The following IMPACT variants were observed in gnomAD, a reference collection of about 807,000 sequenced individuals.
IMPACT encodes the protein impact RWD domain protein.
IMPACT carries 35 observed loss-of-function variants against 47.5 expected under a neutral mutation model. The observed-to-expected ratio is 0.74, with a 90% confidence interval of 0.56 to 0.98. IMPACT has a LOEUF of 0.98. Ranked by LOEUF, IMPACT falls within the 50% of genes least tolerant of loss-of-function variation. The probability of loss-of-function intolerance (pLI) is 0.00; values close to 1 mark genes in which losing one functional copy is unlikely to be tolerated. For missense variants in IMPACT, 373 were observed against 394.8 expected, an observed-to-expected ratio of 0.94 and a Z score of 0.47; for synonymous variants, 118 against 125.6, an observed-to-expected ratio of 0.94 and a Z score of 0.40.
chr18:24,426,701 C>A lies in IMPACT; in HGVS notation c.-56C>A, dbSNP rs970485272. Reference sequence around the variant, plus strand: ...CTCTCGGCTCGCAGCCGCAGCGCCCCGCCCCCGCGCTCCGGACCTGGCAGG... The same window carrying A: ...CTCTCGGCTCGCAGCCGCAGCGCCCAGCCCCCGCGCTCCGGACCTGGCAGG... On this transcript the variant is annotated 5_prime_UTR_variant, in exon 1 of 11. Transcript: ENST00000284202. The A allele has an allele frequency of 3.3e-6, 4 of 1,211,648 alleles. No homozygotes were observed. The highest frequency in any genetic ancestry group is 4.1e-6 in the Non-Finnish European group (4 of 966,672). The allele number at this position is 1,211,648 out of a possible 1,614,324, so 75.1% of individuals were successfully genotyped here.
intron 1 of IMPACT, chr18:24,427,275 G>A: frequency 6.3e-6 from 1 of 158,330 alleles, no homozygotes; most frequent in Non-Finnish European, 1.4e-5. Context: ...TTTCCTACAG[G>A]GCTGTGAGTA....
In IMPACT at chr18:24,452,527, A is replaced by G. The variant is rs1909412720; in HGVS notation, c.*1680A>G. On this transcript the variant is annotated 3_prime_UTR_variant, in exon 11 of 11. Coordinates refer to ENST00000284202, the MANE Select transcript of IMPACT (RefSeq NM_018439.4). Reference sequence around the variant, plus strand: ...ATGAGAAACTTACTTTTGCTCCTTTATACAGAATTATTAACTATATTTTAC... The same window carrying G: ...ATGAGAAACTTACTTTTGCTCCTTTGTACAGAATTATTAACTATATTTTAC... 2 of 152,142 alleles carry G rather than the reference A, an allele frequency of 1.3e-5. No homozygotes were observed. 9.4% of individuals were successfully genotyped at this position (152,142 alleles called of 1,614,324 possible).
Position 24,449,574 on chromosome 18 carries a change from C to G in IMPACT, c.760-245C>G, listed in dbSNP as rs187273337. On this transcript the variant is annotated intron_variant, in intron 9 of 10. Coordinates refer to ENST00000284202, the MANE Select transcript of IMPACT (RefSeq NM_018439.4). ...TTCACTCTGTCCAGTTGCCCCAAAT[C>G]TGGGAGTTTGAGGACATTGTGAAAC... Among the ~76,000 whole-genome samples, 571 of 152,236 alleles carry G rather than the reference C, an allele frequency of 3.8e-3. 5 individuals are homozygous for G. The highest frequency in any genetic ancestry group is 5.6e-3 in the Non-Finnish European group (380 of 68,004).
Position 24,430,310 on chromosome 18 carries a change from AT to A in IMPACT, c.219-9del, listed in dbSNP as rs1908719040. On this transcript the variant is annotated splice_polypyrimidine_tract_variant and intron_variant, in intron 3 of 10. Coordinates refer to ENST00000284202, the MANE Select transcript of IMPACT (RefSeq NM_018439.4). ...CTTGAATAATCTTCTTAATTGTTTT[AT>A]TTAATCTTAGTGCTCCTTGGCTTAA... The A allele has an allele frequency of 6.4e-7, 1 of 1,564,680 alleles. No homozygotes were observed. The highest frequency in any genetic ancestry group is 1.4e-5 in the African/African-American group (1 of 72,920).
chr18:24,447,961 A>G lies in IMPACT; in HGVS notation c.669-132A>G, dbSNP rs559573995. On this transcript the variant is annotated intron_variant, in intron 8 of 10. Coordinates refer to ENST00000284202, the MANE Select transcript of IMPACT (RefSeq NM_018439.4). Reference sequence around the variant, plus strand: ...AGTGAAAATATATCTAATATAATACATATTTCAGGAAGGATTTAAAAAAAT... The same window carrying G: ...AGTGAAAATATATCTAATATAATACGTATTTCAGGAAGGATTTAAAAAAAT... 7 of 572,614 alleles carry G rather than the reference A, an allele frequency of 1.2e-5. No homozygotes were observed. The Admixed American group carries it at 1.4e-4, about 12-fold the overall frequency. 35.5% of individuals were successfully genotyped at this position (572,614 alleles called of 1,614,324 possible).
intron 9 of IMPACT, among the ~76,000 whole-genome samples, chr18:24,449,074 A>C (rs1227466020): frequency 6.6e-6 from 1 of 152,162 alleles, no homozygotes; most frequent in Non-Finnish European, 1.5e-5. Context: ...CAAACTGATG[A>C]AGACGGCCAG....
At position 24,451,651 on chromosome 18, in the gene IMPACT, G is replaced by A. The variant is rs1286102465; in HGVS notation, c.*804G>A. 1 of 152,170 alleles carries A rather than the reference G, an allele frequency of 6.6e-6. No individual in the cohort carries two copies. Among genetic ancestry groups the A allele is most frequent in the Non-Finnish European group, 1.5e-5 (1 of 68,028 alleles). The allele number at this position is 152,170 out of a possible 1,614,324, so 9.4% of individuals were successfully genotyped here. On this transcript the variant is annotated 3_prime_UTR_variant, in exon 11 of 11. Coordinates refer to ENST00000284202, the MANE Select transcript of IMPACT (RefSeq NM_018439.4). Reference sequence around the variant, plus strand: ...AACAACCTGGAAGTACCTTTCTTGTGATCTTCACTGAGGAATTAGAACTAT... The same window carrying A: ...AACAACCTGGAAGTACCTTTCTTGTAATCTTCACTGAGGAATTAGAACTAT...
In IMPACT at chr18:24,438,005, A is replaced by C; in HGVS notation, c.332A>C (p.Asp111Ala). 6.3e-7 allele frequency: 1 copy of C among 1,578,544 alleles called. No homozygotes were observed. Among genetic ancestry groups the C allele is most frequent in the South Asian group, 1.1e-5 (1 of 87,636 alleles). The change falls in exon 5 of 11, where the codon GAT becomes GCT. Residue 111 changes from aspartate to alanine, a missense_variant. Physicochemically the swap from Asp to Ala is moderately radical, Grantham distance 126. Coordinates refer to ENST00000284202, the MANE Select transcript of IMPACT (RefSeq NM_018439.4). ...ILYLWVEKIR[D>A]VLIQKSQMTE... The stretch of plus-strand genomic sequence containing the variant: ...TACCTGTGGGTGGAGAAAATAAGAG[A>C]TGTTCTTATACAAAAATCTCAGATG...
rs759860306 is a variant in IMPACT, at chr18:24,450,859, A to G, written c.*12A>G. ...GGAATGAACATTAATACCTGAAACT[A>G]TAGGAAAGGTTAATTTGCCTATAAT... On this transcript the variant is annotated 3_prime_UTR_variant, in exon 11 of 11. Coordinates refer to ENST00000284202, the MANE Select transcript of IMPACT (RefSeq NM_018439.4). 1 of 1,487,810 alleles carries G rather than the reference A, an allele frequency of 6.7e-7. No homozygotes were observed. Among genetic ancestry groups the G allele is most frequent in the Non-Finnish European group, 9.4e-7 (1 of 1,067,392 alleles). 92.2% of individuals were successfully genotyped at this position (1,487,810 alleles called of 1,614,324 possible).
chr18:24,449,405 T>C (rs1212478010), intron 9 of IMPACT, among the ~76,000 whole-genome samples: 1 of 152,208 alleles, frequency 6.6e-6, no homozygotes, highest in Non-Finnish European at 1.5e-5. Flanking sequence ...ACCAGGGATA[T>C]TGATGCCTCG....
rs570037347 is a variant in IMPACT, at chr18:24,427,239, T to C, written c.36+447T>C. 436 of 165,900 alleles carry C rather than the reference T, an allele frequency of 2.6e-3. 2 individuals are homozygous for C. The highest frequency in any genetic ancestry group is 9.5e-3 in the African/African-American group (401 of 42,216). The allele number at this position is 165,900 out of a possible 1,614,324, so 10.3% of individuals were successfully genotyped here. ...CTTGGCATCGAGCTTTCCCTGTGCC[T>C]TGTTCACGTGGGCGATCATAAGTCT... is the stretch of plus-strand genomic sequence containing the variant. On this transcript the variant is annotated intron_variant, in intron 1 of 10. Coordinates refer to ENST00000284202, the MANE Select transcript of IMPACT (RefSeq NM_018439.4).
intron 6 of IMPACT, among the ~76,000 whole-genome samples, chr18:24,442,180 G>A (rs969986233): frequency 7.0e-6 from 1 of 141,926 alleles, no homozygotes; most frequent in African/African-American, 2.7e-5. Context: ...TGGAGATGGA[G>A]TCTTGCTCTG....
intron 8 of IMPACT, among the ~76,000 whole-genome samples, chr18:24,447,191 A>T (rs1909269713): frequency 6.6e-6 from 1 of 152,230 alleles, no homozygotes; most frequent in South Asian, 2.1e-4. Flanking sequence ...GAATGAATGA[A>T]TGTGACTGCT....
intron 4 of IMPACT, among the ~76,000 whole-genome samples, chr18:24,434,643 A>G (rs1006751129): frequency 2.0e-5 from 3 of 151,572 alleles, no homozygotes; most frequent in African/African-American, 7.3e-5. Context: ...CATACCTGTA[A>G]TCCCAGCTAC....
At chr18:24,445,310 G>A (rs1909220882) in intron 7 of IMPACT, 83 bp from the exon 8 acceptor site, 1 of 805,564 alleles carries the variant, frequency 1.2e-6, no homozygotes, top group Non-Finnish European at 2.0e-6. Flanking sequence ...TTTTAATACA[G>A]CATGCTTCAA....
Position 24,449,928 on chromosome 18 carries a change from T to A in IMPACT, c.869T>A (p.Val290Glu). ...HINNCARNIL[V>E]EKNYTNSPEE... ...AACAACTGTGCCAGAAACATACTAG[T>A]GGAAAAGAACTACACAAATTCACCT... Residue 290 changes from valine (V) to glutamate (E), a missense_variant, in exon 10 of 11, where the codon GTG becomes GAG. Val to Glu is a moderately radical substitution (Grantham distance 121). Coordinates refer to ENST00000284202, the MANE Select transcript of IMPACT (RefSeq NM_018439.4). 1 of 1,614,064 alleles carries A rather than the reference T, an allele frequency of 6.2e-7. No individual in the cohort carries two copies. The highest frequency in any genetic ancestry group is 1.7e-4 in the Middle Eastern group (1 of 6,056).
Position 24,452,299 on chromosome 18 carries a change from A to G in IMPACT, c.*1452A>G, listed in dbSNP as rs1052722364. On this transcript the variant is annotated 3_prime_UTR_variant, in exon 11 of 11. Transcript: ENST00000284202. ...ATTATATTTGTTATAACTATATTTT[A>G]TGTTGTATGTTATCAGGAGCCATCA... 5.3e-5 allele frequency: 8 copies of G among 152,166 alleles called. No individual in the cohort carries two copies. The highest frequency in any genetic ancestry group is 1.4e-4 in the African/African-American group (6 of 41,432). 9.4% of individuals were successfully genotyped at this position (152,166 alleles called of 1,614,324 possible).
intron 1 of IMPACT, 38 bp from the exon 2 acceptor site, chr18:24,427,881 G>A: frequency 6.4e-7 from 1 of 1,569,010 alleles, no homozygotes; most frequent in South Asian, 1.2e-5. Context: ...TTTAAGATGT[G>A]TACATTTGTT....
At chr18:24,439,547 G>A (rs896899539) in intron 5 of IMPACT, 12 of 148,990 alleles carry the variant, frequency 8.1e-5, no homozygotes, top group African/African-American at 3.0e-4. Flanking sequence ...TGAGGCAGGA[G>A]AATGGCGTGA....
Sources: gnomAD v4.1 joint callset for allele counts (sites outside exome capture counted in the v4.1 genomes callset) on GRCh38, gnomAD v4.1.1 for gene constraint, MANE v1.5 for transcripts, NCBI Gene and HGNC (gene_info 2026-07-23, HGNC 2026-07-21) for gene names.